NCOR1: variants seen among roughly 807,000 people sequenced by gnomAD.
NCOR1 encodes the protein protein phosphatase 1, regulatory subunit 109.
In NCOR1, 63 loss-of-function variants were observed where a neutral mutation model predicts 288.1. The ratio of observed to expected loss-of-function variants is 0.22; its 90% CI spans 0.18 to 0.27. The LOEUF (loss-of-function observed/expected upper bound fraction) is 0.27. Among genes scored for constraint, NCOR1 ranks in the 10% least tolerant of loss-of-function variants. The pLI is 1.00. For missense variants in NCOR1, 2,397 were observed against 3,019.2 expected (o/e 0.79, Z 4.83); for synonymous variants, 1,007 against 1,065.9 (o/e 0.94, Z 1.08).
At chr17:16,078,731 A>G (rs1234307666) in intron 26 of NCOR1, among the ~76,000 whole-genome samples, 2 of 151,972 alleles carry the variant, frequency 1.3e-5, no homozygotes, top group Non-Finnish European at 2.9e-5. Context: ...GCACACCACT[A>G]TGCCCGCCTA....
At chr17:16,047,235 A>G (rs2058773436) in intron 41 of NCOR1, 142 bp from the exon 42 acceptor site, 3 of 789,752 alleles carry the variant, frequency 3.8e-6, no homozygotes, top group African/African-American at 1.8e-5. Flanking sequence ...CCTAAGAAAC[A>G]GTATGTAATC....
At chr17:16,058,255 T>C in intron 38 of NCOR1, 191 bp from the exon 39 acceptor site, 1 of 882,344 alleles carries the variant, frequency 1.1e-6, no homozygotes, top group East Asian at 2.7e-5. Flanking sequence ...GAACAAAATA[T>C]AAATGCAGAA....
chr17:16,080,066 T>C lies in NCOR1; in HGVS notation c.3401-2A>G, dbSNP rs562300336. The C allele has an allele frequency of 1.1e-4, 183 of 1,612,932 alleles. 1 individual carries two copies. In the South Asian group the frequency reaches 1.8e-3, roughly 16 times the overall value. The stretch of plus-strand genomic sequence containing the variant: ...CTTCTTGTATGGCTCCTGCGGTACC[T>C]GAATACAAACAAAGCTATTAGCAAA... On this transcript the variant is annotated splice_acceptor_variant, in intron 25 of 45. Transcript: ENST00000268712. LOFTEE classifies it high-confidence loss of function.
intron 2 of NCOR1, among the ~76,000 whole-genome samples, chr17:16,190,432 T>G (rs559205589): frequency 1.3e-5 from 2 of 152,114 alleles, no homozygotes; most frequent in African/African-American, 4.8e-5. Flanking sequence ...CCTCCCGGGT[T>G]CACGCCATTC....
rs1276031904 is a variant in NCOR1 at position 16,159,361 on chromosome 17, CGAGAT to C, written c.619-493_619-489del. Among the ~76,000 whole-genome samples the C allele has an allele frequency of 3.7e-5, 5 of 133,696 alleles. No individual in the cohort carries two copies. In the East Asian group the frequency reaches 1.1e-3, roughly 29 times the overall value. The allele number at this position is 133,696 out of a possible 152,430, so 87.7% of individuals were successfully genotyped here. A position where few individuals can be genotyped will look rare whatever the true frequency, so the allele number is the denominator to read the frequency against. On this transcript the variant is annotated intron_variant, in intron 5 of 45. Coordinates refer to ENST00000268712, the MANE Select transcript of NCOR1 (RefSeq NM_006311.4). ...CCGGGAGGTGGAGGTTGCAGTGAGT[CGAGAT>C]AACGCCACTGCACTCCAGCCTGGGC...
intron 13 of NCOR1, 77 bp downstream of exon 13, chr17:16,138,081 A>G: frequency 8.5e-7 from 1 of 1,180,634 alleles, no homozygotes; most frequent in African/African-American, 1.5e-5. Flanking sequence ...AACTACTTAT[A>G]TGTGTCAGAG....
At chr17:16,215,293 G>GAGCCCTCGGA (rs1252763849) in intron 1 of NCOR1, 69 bp downstream of exon 1, 1 of 389,812 alleles carries the variant, frequency 2.6e-6, no homozygotes, top group Admixed American at 4.5e-5. Context: ...GCTGCCCCGG[G>GAGCCCTCGGA]AGCCCTCGGA....
At chr17:16,093,190 C>T (rs922331073) in intron 21 of NCOR1, among the ~76,000 whole-genome samples, 6 of 152,146 alleles carry the variant, frequency 3.9e-5, no homozygotes, top group African/African-American at 1.4e-4. Flanking sequence ...TTTGAAACTC[C>T]ATTCTTCTTC....
Position 16,096,794 on chromosome 17 carries a change from C to A in NCOR1, c.2820+1573G>T, listed in dbSNP as rs190977800. Reference sequence around the variant, plus strand: ...AGCACTCCCTAACCCAAGCCCAGCACAAGAGGATGTAAGAAAAACCAAGGT... The same window carrying A: ...AGCACTCCCTAACCCAAGCCCAGCAAAAGAGGATGTAAGAAAAACCAAGGT... On this transcript the variant is annotated intron_variant, in intron 21 of 45. Coordinates refer to ENST00000268712, the MANE Select transcript of NCOR1 (RefSeq NM_006311.4). 2.6e-3 allele frequency among the ~76,000 whole-genome samples: 396 copies of A among 152,230 alleles called. 1 individual carries two copies. Among genetic ancestry groups the A allele is most frequent in the Non-Finnish European group, 3.8e-3 (256 of 68,026 alleles).
At chr17:16,057,473 C>T (rs1322502866) in intron 40 of NCOR1, 41 bp downstream of exon 40, 2 of 1,570,896 alleles carry the variant, frequency 1.3e-6, no homozygotes, top group South Asian at 2.2e-5. Flanking sequence ...ATTTGTTTTA[C>T]TGTTGGGCAA....
Position 16,121,364 on chromosome 17 carries a change from A to G in NCOR1, c.1635-95T>C, listed in dbSNP as rs527506673. The G allele has an allele frequency of 6.7e-5, 68 of 1,020,660 alleles. 1 individual carries two copies. In the South Asian group the frequency reaches 1.3e-3, roughly 20 times the overall value. The allele number at this position is 1,020,660 out of a possible 1,614,324, so 63.2% of individuals were successfully genotyped here. The stretch of plus-strand genomic sequence containing the variant: ...TGAATATTATCTAAATAGAAATTGA[A>G]TAAAACTACCTAATCTCTCACTCAA... On this transcript the variant is annotated intron_variant, in intron 15 of 45. Coordinates refer to ENST00000268712, the MANE Select transcript of NCOR1 (RefSeq NM_006311.4).
rs147734590 is a variant in NCOR1, at chr17:16,048,913, C to T, written c.6468G>A (p.Pro2156=). The change falls in exon 41 of 46, where the codon CCG becomes CCA. Residue 2156 remains proline, a synonymous_variant. Coordinates refer to ENST00000268712, the MANE Select transcript of NCOR1 (RefSeq NM_006311.4). ...AGCTGTCCTGTTTCTCATGCACAAC[C>T]GGAACCTGGGGTGGGGAGATGGGCT... ...PYEPISPPQV[P]VVHEKQDSLL... The T allele has an allele frequency of 2.7e-4, 429 of 1,613,960 alleles. 1 individual carries two copies. In the African/African-American group the frequency reaches 4.3e-3, roughly 16 times the overall value.
intron 9 of NCOR1, among the ~76,000 whole-genome samples, chr17:16,148,680 A>AG (rs1476638862): frequency 1.3e-5 from 2 of 149,510 alleles, no homozygotes; most frequent in Non-Finnish European, 3.0e-5. Flanking sequence ...AAAAAAAAAA[A>AG]AAAAAAAAAA....
chr17:16,108,838 C>A lies in NCOR1; in HGVS notation c.2130G>T (p.Glu710Asp), dbSNP rs533136703. The stretch of plus-strand genomic sequence containing the variant: ...CATTGGAGGCTTCAATATCTTCATC[C>A]TCCTGAGCAGAAACAGTGGAAGCGA... ...ESVASTVSAQ[E>D]DEDIEASNEE... Residue 710 changes from glutamate (E) to aspartate (D), a missense_variant, in exon 19 of 46, where the codon GAG (glutamate) becomes GAT (aspartate). Glu to Asp is a conservative substitution (Grantham distance 45, BLOSUM62 2). Around this residue, in one of 11 missense-constraint regions of NCOR1, gnomAD observed 1,872 missense variants for 2,187.8 expected, o/e 0.86. Transcript: ENST00000268712. 1 of 1,607,384 alleles carries A rather than the reference C, an allele frequency of 6.2e-7. No individual in the cohort carries two copies. Among genetic ancestry groups the A allele is most frequent in the Admixed American group, 1.7e-5 (1 of 59,452 alleles).
chr17:16,087,493 G>T, intron 22 of NCOR1: 1 of 330,290 alleles, frequency 3.0e-6, no homozygotes, highest in Admixed American at 3.9e-5. Flanking sequence ...CCACAGAGAA[G>T]TTAAGAAATC....
chr17:16,112,926 T>G (rs1489552298), intron 18 of NCOR1, among the ~76,000 whole-genome samples: 2 of 152,198 alleles, frequency 1.3e-5, no homozygotes, highest in African/African-American at 2.4e-5. Context: ...ATTTATTTAT[T>G]TTGAGATGGA....
chr17:16,181,203 A>ATG (rs2085347961), intron 3 of NCOR1, among the ~76,000 whole-genome samples: 9 of 56,520 alleles, frequency 1.6e-4, no homozygotes, highest in African/African-American at 5.3e-4. Context: ...GTGTATACAT[A>ATG]TATATGTATG....
intron 2 of NCOR1, among the ~76,000 whole-genome samples, chr17:16,189,955 G>T (rs2087755241): frequency 6.6e-6 from 1 of 152,204 alleles, no homozygotes; most frequent in African/African-American, 2.4e-5. Context: ...TCATTTGGCT[G>T]GGCATGCTGC....
At chr17:16,196,776 G>A (rs2089898598) in intron 1 of NCOR1, among the ~76,000 whole-genome samples, 1 of 139,584 alleles carries the variant, frequency 7.2e-6, no homozygotes, top group Non-Finnish European at 1.5e-5. Flanking sequence ...CGTGAGCCAA[G>A]ATCGGGCCAC....
Sources: allele counts gnomAD v4.1 joint callset (sites outside exome capture counted in the v4.1 genomes callset), GRCh38; gene constraint gnomAD v4.1.1; regional missense constraint gnomAD v4.1.1; transcripts MANE v1.5; gene names NCBI Gene and HGNC (gene_info 2026-07-23, HGNC 2026-07-21).